SLC38A3: variants seen among roughly 807,000 people sequenced by gnomAD.
SLC38A3 encodes solute carrier family 38 member 3.
A neutral mutation model predicts 59.5 loss-of-function variants in SLC38A3; 17 were observed. The ratio of observed to expected loss-of-function variants is 0.29; its 90% CI spans 0.20 to 0.43. The LOEUF is 0.43. Among genes scored for constraint, SLC38A3 ranks in the 20% least tolerant of loss-of-function variants. SLC38A3 has a pLI of 1.00. For synonymous variants in SLC38A3, 238 were observed against 260.3 expected, an observed-to-expected ratio of 0.91 and a Z score of 0.82; for missense variants, 454 against 653.9, an observed-to-expected ratio of 0.69 and a Z score of 3.33.
At position 50,220,730 on chromosome 3, in the gene SLC38A3, G is replaced by A. The variant is rs928978170; in HGVS notation, c.*553G>A. ...CATACCCCATAGCTGGGGCCAGCAG[G>A]TTCTGCTGAGGGTGGGGCTGGTGTA... On this transcript the variant is annotated 3_prime_UTR_variant, in exon 16 of 16. Transcript: ENST00000614032. The A allele has an allele frequency of 6.0e-6, 1 of 165,620 alleles. No individual in the cohort carries two copies. The highest frequency in any genetic ancestry group is 1.3e-5 in the Non-Finnish European group (1 of 74,300). 10.3% of individuals were successfully genotyped at this position (165,620 alleles called of 1,614,324 possible). A position where few individuals can be genotyped will look rare whatever the true frequency, so the allele number is the denominator to read the frequency against.
Position 50,214,991 on chromosome 3 carries a change from C to T in SLC38A3, c.299+223C>T, listed in dbSNP as rs756248454. The T allele has an allele frequency of 2.4e-5, 14 of 592,634 alleles. No homozygotes were observed. Among genetic ancestry groups the T allele is most frequent in the Non-Finnish European group, 3.6e-5 (12 of 335,414 alleles). The allele number at this position is 592,634 out of a possible 1,614,324, so 36.7% of individuals were successfully genotyped here. A position where few individuals can be genotyped will look rare whatever the true frequency, so the allele number is the denominator to read the frequency against. The stretch of plus-strand genomic sequence containing the variant: ...CACAACACAGGCCGGTCTTACAGGC[C>T]AGAGACTGTCCTTTTGGCACCTTAC... On this transcript the variant is annotated intron_variant, in intron 4 of 15. Coordinates refer to ENST00000614032, the MANE Select transcript of SLC38A3 (RefSeq NM_006841.6). The surrounding 1 kb of genome is among the most constrained non-coding windows in gnomAD (Gnocchi z 6.0).
rs1454990059 is a variant in SLC38A3, at chr3:50,221,440, C to T, written c.*1263C>T. 6.6e-6 allele frequency: 1 copy of T among 152,238 alleles called. No homozygotes were observed. Among genetic ancestry groups the T allele is most frequent in the Admixed American group, 6.5e-5 (1 of 15,286 alleles). 9.4% of individuals were successfully genotyped at this position (152,238 alleles called of 1,614,324 possible). A position where few individuals can be genotyped will look rare whatever the true frequency, so the allele number is the denominator to read the frequency against. Reference sequence around the variant, plus strand: ...GACAAAAGTCCAGGAATCCTGTGCCCTGTTGGGCTGATCTTTTTATCAACA... The same window carrying T: ...GACAAAAGTCCAGGAATCCTGTGCCTTGTTGGGCTGATCTTTTTATCAACA... On this transcript the variant is annotated 3_prime_UTR_variant, in exon 16 of 16. Coordinates refer to ENST00000614032, the MANE Select transcript of SLC38A3 (RefSeq NM_006841.6).
At chr3:50,211,250 G>A (rs973888832) in intron 1 of SLC38A3, among the ~76,000 whole-genome samples, 8 of 152,228 alleles carry the variant, frequency 5.3e-5, no homozygotes, top group Non-Finnish European at 8.8e-5. Flanking sequence ...TGGGCTGGCA[G>A]CCTCAGGGAA....
chr3:50,209,983 G>T (rs1044457843), intron 1 of SLC38A3, among the ~76,000 whole-genome samples: 1 of 152,192 alleles, frequency 6.6e-6, no homozygotes, highest in African/African-American at 2.4e-5. Context: ...AGGGTAAGAG[G>T]TGTCTTTTCC....
In SLC38A3 at chr3:50,215,641, G is replaced by A; in HGVS notation, c.466+5G>A. On this transcript the variant is annotated splice_donor_5th_base_variant and intron_variant, in intron 6 of 15. Coordinates refer to ENST00000614032, the MANE Select transcript of SLC38A3 (RefSeq NM_006841.6). The surrounding 1 kb of genome is among the most constrained non-coding windows in gnomAD (Gnocchi z 7.1). ...TCACGCTCCAGAACATCGGAGGTAA[G>A]AGCAGTGGGCAGGGGCAGGCAGTAG... 6.2e-7 allele frequency: 1 copy of A among 1,613,700 alleles called. No individual in the cohort carries two copies. Among genetic ancestry groups the A allele is most frequent in the Non-Finnish European group, 8.5e-7 (1 of 1,179,842 alleles).
rs146635867 is a variant in SLC38A3 at position 50,216,962 on chromosome 3, A to C, written c.549-276A>C. ...TAATTTTTTTGTATTTTTAGTAGAG[A>C]TGGGGTTTCACCATGTTGGTCAGGC... On this transcript the variant is annotated intron_variant, in intron 7 of 15. Transcript: ENST00000614032. Among the ~76,000 whole-genome samples the C allele has an allele frequency of 0.053, 8,108 of 152,124 alleles. 1,533 individuals carry two copies. In the East Asian group the frequency reaches 0.6, roughly 11 times the overall value.
In SLC38A3 at chr3:50,214,656, G is replaced by C. The variant is rs1437118005; in HGVS notation, c.187G>C (p.Glu63Gln). ...PSKEPHFTDFEGKTSFGMSVF... is the reference protein window; with the variant it reads ...PSKEPHFTDFQGKTSFGMSVF... Reference sequence around the variant, plus strand: ...CGTCCCATTCTGGTGCCTGCAGTTCGAGGGGAAGACATCATTCGGGATGTC... The same window carrying C: ...CGTCCCATTCTGGTGCCTGCAGTTCCAGGGGAAGACATCATTCGGGATGTC... Residue 63 changes from glutamate (E) to glutamine (Q), a missense_variant, in exon 4 of 16, where the codon GAG (glutamate) becomes CAG (glutamine). Coordinates refer to ENST00000614032, the MANE Select transcript of SLC38A3 (RefSeq NM_006841.6). The surrounding 1 kb of genome is among the most constrained non-coding windows in gnomAD (Gnocchi z 6.0). 2 of 1,608,674 alleles carry C rather than the reference G, an allele frequency of 1.2e-6. No homozygotes were observed. The highest frequency in any genetic ancestry group is 8.5e-7 in the Non-Finnish European group (1 of 1,176,282).
intron 7 of SLC38A3, among the ~76,000 whole-genome samples, chr3:50,216,605 C>A (rs957223588): frequency 6.6e-6 from 1 of 152,198 alleles, no homozygotes; most frequent in African/African-American, 2.4e-5. Flanking sequence ...CTCCTCCCAC[C>A]CACCTCCATC....
intron 1 of SLC38A3, chr3:50,207,717 A>C (rs1699665671): frequency 6.6e-6 from 1 of 152,292 alleles, no homozygotes; most frequent in Non-Finnish European, 1.5e-5. Flanking sequence ...GTGGTAGGAC[A>C]GACATAGGAG....
At chr3:50,208,506 G>T (rs931591945) in intron 1 of SLC38A3, among the ~76,000 whole-genome samples, 16 of 151,998 alleles carry the variant, frequency 1.1e-4, no homozygotes, top group Non-Finnish European at 2.2e-4. Context: ...CAGGTGATCT[G>T]CCCGCCTCGG....
rs754216016 is a variant in SLC38A3 at position 50,217,277 on chromosome 3, C to T, written c.588C>T (p.Val196=). 3 of 1,613,724 alleles carry T rather than the reference C, an allele frequency of 1.9e-6. No homozygotes were observed. The highest frequency in any genetic ancestry group is 2.2e-5 in the South Asian group (2 of 90,960). ...YMNGNYLVIL[V]SVTIILPLAL... Reference sequence around the variant, plus strand: ...ACGGGAACTACCTGGTAATCCTTGTCTCTGTCACCATCATTCTGCCCCTGG... The same window carrying T: ...ACGGGAACTACCTGGTAATCCTTGTTTCTGTCACCATCATTCTGCCCCTGG... The change falls in exon 8 of 16, where the codon GTC becomes GTT. Residue 196 remains valine, a synonymous_variant. Coordinates refer to ENST00000614032, the MANE Select transcript of SLC38A3 (RefSeq NM_006841.6). The surrounding 1 kb of genome is among the most constrained non-coding windows in gnomAD (Gnocchi z 4.9).
In SLC38A3 at chr3:50,214,631, C is replaced by G. The variant is rs768278720; in HGVS notation, c.184-22C>G. On this transcript the variant is annotated intron_variant, in intron 3 of 15. Transcript: ENST00000614032. This position sits in a 1 kb window ranked among gnomAD's most constrained non-coding sequence, Gnocchi z 6.0. ...CCTTGCTGACTCCTCCCACCCTCCC[C>G]GTCCCATTCTGGTGCCTGCAGTTCG... 5 of 1,550,268 alleles carry G rather than the reference C, an allele frequency of 3.2e-6. No homozygotes were observed. Among genetic ancestry groups the G allele is most frequent in the Non-Finnish European group, 4.4e-6 (5 of 1,127,928 alleles).
chr3:50,209,520 G>C (rs1051425248), intron 1 of SLC38A3, among the ~76,000 whole-genome samples: 10 of 152,052 alleles, frequency 6.6e-5, no homozygotes, highest in Admixed American at 1.3e-4. Flanking sequence ...GTGGTGGCGG[G>C]CGCCTGTAGT....
rs587757989 is a variant in SLC38A3, at chr3:50,220,489, A to G, written c.*312A>G. ...ACAGATGCATACACTGGGGCCCAGC[A>G]GCTGCCTCCTGAGGTGACACAGCCT... On this transcript the variant is annotated 3_prime_UTR_variant, in exon 16 of 16. Transcript: ENST00000614032. 4 of 365,672 alleles carry G rather than the reference A, an allele frequency of 1.1e-5. No individual in the cohort carries two copies. In the South Asian group the frequency reaches 1.2e-4, roughly 11 times the overall value. 22.7% of individuals were successfully genotyped at this position (365,672 alleles called of 1,614,324 possible).
In SLC38A3 at chr3:50,218,927, C is replaced by A. The variant is rs756040646; in HGVS notation, c.1285C>A (p.Leu429Met). 1 of 1,612,302 alleles carries A rather than the reference C, an allele frequency of 6.2e-7. No homozygotes were observed. The highest frequency in any genetic ancestry group is 1.1e-5 in the South Asian group (1 of 91,048). The change falls in exon 14 of 16, where the codon CTG becomes ATG. Residue 429 changes from leucine to methionine, a missense_variant. Leu to Met is a conservative substitution (Grantham distance 15, BLOSUM62 2). Around this residue, in one of 3 missense-constraint regions of SLC38A3, gnomAD observed 390 missense variants for 557.9 expected, o/e 0.70. Transcript: ENST00000614032. This position sits in a 1 kb window ranked among gnomAD's most constrained non-coding sequence, Gnocchi z 5.8. ...GCTGGTCATCTTTGCCCCCAACATC[C>A]TGGGCATCTTTGGGGTCATCGGTGA... ...NLLVIFAPNILGIFGVIGATS... is the reference protein window; with the variant it reads ...NLLVIFAPNIMGIFGVIGATS...
Position 50,217,575 on chromosome 3 carries a change from G to A in SLC38A3, c.691-101G>A. Reference sequence around the variant, plus strand: ...AGGTGTCTCTGGGAAGCCTGGGCCAGAAGGCAGCTCCACCAGTCCTGATCT... The same window carrying A: ...AGGTGTCTCTGGGAAGCCTGGGCCAAAAGGCAGCTCCACCAGTCCTGATCT... On this transcript the variant is annotated intron_variant, in intron 9 of 15. Transcript: ENST00000614032. This position sits in a 1 kb window ranked among gnomAD's most constrained non-coding sequence, Gnocchi z 4.9. The A allele has an allele frequency of 6.3e-7, 1 of 1,582,638 alleles. No individual in the cohort carries two copies. Among genetic ancestry groups the A allele is most frequent in the Non-Finnish European group, 8.6e-7 (1 of 1,156,510 alleles).
chr3:50,218,012 T>G lies in SLC38A3; in HGVS notation c.935+16T>G. On this transcript the variant is annotated intron_variant, in intron 11 of 15. Transcript: ENST00000614032. The surrounding 1 kb of genome is among the most constrained non-coding windows in gnomAD (Gnocchi z 5.8). ...AGCTCAAGGAGTAGGTGTCTGTGGC[T>G]GGGAGTGGGGGTGGGGATGCCCTGA... The G allele has an allele frequency of 1.9e-6, 3 of 1,613,046 alleles. No individual in the cohort carries two copies. The highest frequency in any genetic ancestry group is 2.5e-6 in the Non-Finnish European group (3 of 1,179,170).
chr3:50,216,812 G>A (rs587707531), intron 7 of SLC38A3, among the ~76,000 whole-genome samples: 6 of 152,250 alleles, frequency 3.9e-5, no homozygotes, highest in Non-Finnish European at 8.8e-5. Context: ...TCGCTCAGTC[G>A]CCCAGGCTGG....
chr3:50,215,500 G>A lies in SLC38A3; in HGVS notation c.373+41G>A, dbSNP rs754775907. 2.5e-6 allele frequency: 4 copies of A among 1,613,176 alleles called. No individual in the cohort carries two copies. In the Admixed American group the frequency reaches 5.0e-5, roughly 20 times the overall value. On this transcript the variant is annotated intron_variant, in intron 5 of 15. Coordinates refer to ENST00000614032, the MANE Select transcript of SLC38A3 (RefSeq NM_006841.6). The surrounding 1 kb of genome is among the most constrained non-coding windows in gnomAD (Gnocchi z 7.1). ...GCCTGGAATGGGCGGGAGCTGGTGG[G>A]TAAACTGGGACAAGCTCCTGACTTC...
Sources: gnomAD v4.1 joint callset for allele counts (sites outside exome capture counted in the v4.1 genomes callset) on GRCh38, gnomAD v4.1.1 for gene constraint, gnomAD v4.1.1 regional missense constraint, Gnocchi (gnomAD v3.1) non-coding constraint, MANE v1.5 for transcripts, NCBI Gene and HGNC (gene_info 2026-07-23, HGNC 2026-07-21) for gene names.